The following ROCK1 variants were observed in gnomAD, a reference collection of about 807,000 sequenced individuals.
The protein encoded by ROCK1 is Rho associated coiled-coil containing protein kinase 1, also known as rho-associated protein kinase 1.
Under a neutral mutation model 196.8 loss-of-function variants are expected in ROCK1, and 36 were observed. The ratio of observed to expected loss-of-function variants is 0.18; its 90% CI spans 0.14 to 0.24. The LOEUF is 0.24. Ranked by LOEUF, ROCK1 falls within the 10% of genes least tolerant of loss-of-function variation. ROCK1 has a pLI of 1.00. For missense variants in ROCK1, 920 were observed against 1,562.0 expected, an observed-to-expected ratio of 0.59 and a Z score of 6.93; for synonymous variants, 443 against 515.9, an observed-to-expected ratio of 0.86 and a Z score of 1.91.
At chr18:20,961,562 C>G (rs1448848784) in intron 27 of ROCK1, among the ~76,000 whole-genome samples, 5 of 152,138 alleles carry the variant, frequency 3.3e-5, no homozygotes, top group African/African-American at 1.2e-4. Context: ...TCTATCAAAG[C>G]TCTATGGTTT....
intron 21 of ROCK1, among the ~76,000 whole-genome samples, 172 bp downstream of exon 21, chr18:20,982,591 G>C (rs1476065621): frequency 6.6e-5 from 10 of 152,066 alleles, no homozygotes; most frequent in Admixed American, 5.2e-4. Context: ...ACCAATGATA[G>C]CCTAATATGC....
intron 2 of ROCK1, among the ~76,000 whole-genome samples, chr18:21,064,816 G>A (rs568766962): frequency 6.6e-6 from 1 of 152,312 alleles, no homozygotes; most frequent in South Asian, 2.1e-4. Context: ...TTCTATGGCT[G>A]CAACCTTCTA....
At chr18:21,008,987 G>A (rs115517283) in intron 13 of ROCK1, among the ~76,000 whole-genome samples, 7,507 of 151,982 alleles carry the variant, frequency 0.049, 625 homozygotes, top group African/African-American at 0.17. Context: ...CCACCACAAC[G>A]AAGATACAGA....
intron 10 of ROCK1, among the ~76,000 whole-genome samples, chr18:21,025,403 A>C (rs1598532987): frequency 6.6e-6 from 1 of 152,202 alleles, no homozygotes; most frequent in Non-Finnish European, 1.5e-5. Flanking sequence ...AATTATGCTT[A>C]CATATTACAA....
chr18:20,973,823 CT>C (rs1258534156), intron 22 of ROCK1, among the ~76,000 whole-genome samples: 1 of 144,746 alleles, frequency 6.9e-6, no homozygotes, highest in Non-Finnish European at 1.5e-5. Context: ...GAGATGGAGT[CT>C]TGCTCTGTCA....
At chr18:21,000,001 T>C (rs2035709216) in intron 16 of ROCK1, among the ~76,000 whole-genome samples, 1 of 152,218 alleles carries the variant, frequency 6.6e-6, no homozygotes, top group South Asian at 2.1e-4. Context: ...CTATCAAAAT[T>C]CTAAAGGTCT....
intron 9 of ROCK1, among the ~76,000 whole-genome samples, chr18:21,033,494 G>T (rs2036027883): frequency 6.6e-6 from 1 of 151,870 alleles, no homozygotes; most frequent in African/African-American, 2.4e-5. Flanking sequence ...AATTAGGCAA[G>T]AATGATAAAT....
At chr18:21,060,193 A>G (rs2036277003) in intron 2 of ROCK1, among the ~76,000 whole-genome samples, 1 of 152,262 alleles carries the variant, frequency 6.6e-6, no homozygotes, top group African/African-American at 2.4e-5. Context: ...TGAATTTTAT[A>G]GCATGTAAAT....
At chr18:20,973,613 C>T (rs114482011) in intron 22 of ROCK1, among the ~76,000 whole-genome samples, 1,949 of 152,104 alleles carry the variant, frequency 0.013, 39 homozygotes, top group African/African-American at 0.044. Context: ...GAGATAGGAT[C>T]GAGGGACTAG....
rs191966887 is a variant in ROCK1, at chr18:21,008,051, C to A, written c.1546+8G>T. On this transcript the variant is annotated splice_region_variant and intron_variant, in intron 14 of 32. Coordinates refer to ENST00000399799, the MANE Select transcript of ROCK1 (RefSeq NM_005406.3). ...TTCTATCATTTTTCAAAAGTAGTGACAATTTACCTTCATTTTCTACATTTC... is the reference window on the plus strand; with the variant it reads ...TTCTATCATTTTTCAAAAGTAGTGAAAATTTACCTTCATTTTCTACATTTC... The A allele has an allele frequency of 1.3e-6, 2 of 1,582,354 alleles. No individual in the cohort carries two copies. The highest frequency in any genetic ancestry group is 1.8e-5 in the Admixed American group (1 of 54,282).
At chr18:21,089,651 A>T (rs1413694326) in intron 1 of ROCK1, among the ~76,000 whole-genome samples, 1 of 152,228 alleles carries the variant, frequency 6.6e-6, no homozygotes, top group Non-Finnish European at 1.5e-5. Flanking sequence ...ATCATAGATT[A>T]GTGTAGCCTA....
At chr18:21,098,227 T>C (rs1190992819) in intron 1 of ROCK1, among the ~76,000 whole-genome samples, 9 of 152,056 alleles carry the variant, frequency 5.9e-5, no homozygotes, top group Admixed American at 5.2e-4. Flanking sequence ...TATTAGCACA[T>C]GAAAAAGCAA....
At chr18:21,011,062 G>A (rs1025410874) in intron 13 of ROCK1, among the ~76,000 whole-genome samples, 14 of 151,864 alleles carry the variant, frequency 9.2e-5, no homozygotes, top group African/African-American at 2.9e-4. Context: ...TGCCTATATT[G>A]TTATATTTGA....
In ROCK1 at chr18:20,982,731, CAG is replaced by C. The variant is rs761799432; in HGVS notation, c.2559+30_2559+31del. 10 of 1,049,828 alleles carry C rather than the reference CAG, an allele frequency of 9.5e-6. No homozygotes were observed. In the East Asian group the frequency reaches 1.9e-4, roughly 20 times the overall value. The allele number at this position is 1,049,828 out of a possible 1,614,324, so 65.0% of individuals were successfully genotyped here. On this transcript the variant is annotated intron_variant, in intron 21 of 32. Coordinates refer to ENST00000399799, the MANE Select transcript of ROCK1 (RefSeq NM_005406.3). ...CCTTGTTTTAAGTCAGGTTTTGAAA[CAG>C]TGTGTATGTTAAAAATGATTCTCAC...
chr18:20,972,275 T>C (rs73431079), intron 22 of ROCK1, among the ~76,000 whole-genome samples: 262 of 152,224 alleles, frequency 1.7e-3, no homozygotes, highest in African/African-American at 6.0e-3. Flanking sequence ...CTTAAACAAC[T>C]AGGAATAACA....
chr18:21,048,739 T>C (rs1191216965), intron 4 of ROCK1, among the ~76,000 whole-genome samples: 2 of 152,084 alleles, frequency 1.3e-5, no homozygotes, highest in Middle Eastern at 3.4e-3. Flanking sequence ...TTTGTAGAGA[T>C]AGGTGTCACT....
chr18:21,066,998 C>T (rs1408028050), intron 2 of ROCK1, among the ~76,000 whole-genome samples: 1 of 152,172 alleles, frequency 6.6e-6, no homozygotes, highest in Non-Finnish European at 1.5e-5. Flanking sequence ...TTATAAGAAA[C>T]AACCAAACTG....
intron 16 of ROCK1, 72 bp downstream of exon 16, chr18:21,006,279 T>G: frequency 8.4e-7 from 1 of 1,193,630 alleles, no homozygotes; most frequent in Middle Eastern, 2.8e-4. Context: ...GAACTGTATA[T>G]ATAAAAATGG....
At chr18:20,999,436 T>C (rs2035701470) in intron 16 of ROCK1, among the ~76,000 whole-genome samples, 2 of 152,244 alleles carry the variant, frequency 1.3e-5, no homozygotes, top group Admixed American at 1.3e-4. Context: ...GTCAAAATCT[T>C]ACACACCAAA....
Sources: allele counts gnomAD v4.1 joint callset (sites outside exome capture counted in the v4.1 genomes callset), GRCh38; gene constraint gnomAD v4.1.1; transcripts MANE v1.5; gene names NCBI Gene and HGNC (gene_info 2026-07-23, HGNC 2026-07-21).